Variants in KIZ observed in about 807,000 individuals in gnomAD.
KIZ encodes centrosomal protein kizuna.
A neutral mutation model predicts 79.6 loss-of-function variants in KIZ; 68 were observed. The ratio of observed to expected loss-of-function variants is 0.85; its 90% CI spans 0.70 to 1.05. KIZ has a LOEUF of 1.05. KIZ is among the 50% of genes least tolerant of loss of function. The probability of loss-of-function intolerance (pLI) is 0.00; values close to 1 mark genes in which losing one functional copy is unlikely to be tolerated. For synonymous variants in KIZ, 280 were observed against 281.8 expected, an observed-to-expected ratio of 0.99 and a Z score of 0.06; for missense variants, 797 against 800.4, an observed-to-expected ratio of 1.00 and a Z score of 0.05.
At chr20:21,197,000 T>C (rs1285490222) in intron 6 of KIZ, 2 of 152,372 alleles carry the variant, frequency 1.3e-5, no homozygotes, top group South Asian at 2.1e-4. Flanking sequence ...AATTAACATA[T>C]TGCTTTATAA....
intron 1 of KIZ, among the ~76,000 whole-genome samples, chr20:21,130,083 C>T (rs1202292211): frequency 6.6e-6 from 1 of 152,172 alleles, no homozygotes; most frequent in African/African-American, 2.4e-5. Context: ...CAGATTTCAC[C>T]AGCTATCTTA....
At chr20:21,239,770 C>T (rs1197110825) in intron 11 of KIZ, among the ~76,000 whole-genome samples, 1 of 152,174 alleles carries the variant, frequency 6.6e-6, no homozygotes, top group East Asian at 1.9e-4. Context: ...TCACTGTGTG[C>T]CAGGGCTGCT....
intron 6 of KIZ, among the ~76,000 whole-genome samples, chr20:21,193,155 C>G (rs768115978): frequency 1.1e-4 from 17 of 152,038 alleles, no homozygotes; most frequent in Non-Finnish European, 2.2e-4. Flanking sequence ...CTTCTGAGCC[C>G]CAATGTTGGC....
chr20:21,127,137 C>T lies in KIZ; in HGVS notation c.89+933C>T, dbSNP rs377302840. Among the ~76,000 whole-genome samples, 48 of 152,308 alleles carry T rather than the reference C, an allele frequency of 3.2e-4. 1 individual carries two copies. The South Asian group carries it at 5.6e-3, about 18-fold the overall frequency. On this transcript the variant is annotated intron_variant, in intron 1 of 12. Transcript: ENST00000619189. ...TTGAAAAGGAATTACATTTATCTTA[C>T]GCTAGATTTAATTCTTGTCAGATAT...
chr20:21,230,330 C>T (rs2036793621), intron 10 of KIZ, among the ~76,000 whole-genome samples: 1 of 152,158 alleles, frequency 6.6e-6, no homozygotes, highest in Admixed American at 6.5e-5. Flanking sequence ...TAAAAATTAG[C>T]CACACGTGTT....
At chr20:21,241,294 A>G (rs1265054948) in intron 11 of KIZ, among the ~76,000 whole-genome samples, 5 of 152,200 alleles carry the variant, frequency 3.3e-5, no homozygotes, top group East Asian at 1.9e-4. Flanking sequence ...AAAATCAACT[A>G]TGAATTGCAG....
At chr20:21,158,652 C>T (rs552198202) in intron 4 of KIZ, 1 of 152,304 alleles carries the variant, frequency 6.6e-6, no homozygotes, top group Non-Finnish European at 1.5e-5. Flanking sequence ...CTGCAAGAAA[C>T]TTAGAGTTGC....
intron 2 of KIZ, among the ~76,000 whole-genome samples, chr20:21,134,762 G>A (rs570686892): frequency 6.6e-6 from 1 of 150,904 alleles, no homozygotes; most frequent in South Asian, 2.1e-4. Flanking sequence ...TGCCTCCCGG[G>A]TTCAAGCAAT....
chr20:21,149,365 A>AGTATTTGGC (rs1252608680), intron 4 of KIZ, among the ~76,000 whole-genome samples: 170 of 152,354 alleles, frequency 1.1e-3, no homozygotes, highest in African/African-American at 4.0e-3. Flanking sequence ...TTTGAGCTGA[A>AGTATTTGGC]TCAGGTGAGC....
intron 9 of KIZ, 90 bp downstream of exon 9, chr20:21,215,738 A>C (rs1013858255): frequency 2.7e-6 from 2 of 748,758 alleles, no homozygotes; most frequent in African/African-American, 3.5e-5. Flanking sequence ...TGTGGACCCC[A>C]CTAAGAGCAC....
At chr20:21,151,531 A>C (rs921629080) in intron 4 of KIZ, 2 of 152,242 alleles carry the variant, frequency 1.3e-5, no homozygotes, top group Non-Finnish European at 2.9e-5. Context: ...AAGTCAATTT[A>C]ACAAGAAAAA....
At chr20:21,215,228 CT>C (rs2036236290) in intron 8 of KIZ, among the ~76,000 whole-genome samples, 1 of 152,182 alleles carries the variant, frequency 6.6e-6, no homozygotes, top group African/African-American at 2.4e-5. Flanking sequence ...CATTTAACTG[CT>C]TTAATGGTTT....
intron 9 of KIZ, among the ~76,000 whole-genome samples, chr20:21,221,402 C>A (rs866505590): frequency 6.6e-6 from 1 of 152,184 alleles, no homozygotes; most frequent in South Asian, 2.1e-4. Flanking sequence ...AATACTATCT[C>A]TTTCAGTCAT....
At chr20:21,223,890 C>T (rs1172815667) in intron 9 of KIZ, among the ~76,000 whole-genome samples, 1 of 152,102 alleles carries the variant, frequency 6.6e-6, no homozygotes, top group Admixed American at 6.5e-5. Context: ...GTTGGTCAGG[C>T]TGGTCTTGAA....
At chr20:21,149,554 C>G (rs1219924680) in intron 4 of KIZ, among the ~76,000 whole-genome samples, 1 of 152,248 alleles carries the variant, frequency 6.6e-6, no homozygotes, top group African/African-American at 2.4e-5. Context: ...CAGGGATGAG[C>G]TCTGCAGTGG....
At chr20:21,214,462 C>A in intron 7 of KIZ, 73 bp from the exon 8 acceptor site, 1 of 997,146 alleles carries the variant, frequency 1.0e-6, no homozygotes, top group Non-Finnish European at 1.5e-6. Context: ...TATTTGAAGG[C>A]TATCTTTGAG....
rs1305964631 is a variant in KIZ at position 21,147,994 on chromosome 20, T to TGTGTGTGTGTGTGTGG, written c.405+2341_405+2342insTGTGTGTGTGTGTGGG. 5.3e-5 allele frequency among the ~76,000 whole-genome samples: 8 copies of TGTGTGTGTGTGTGTGG among 151,248 alleles called. No homozygotes were observed. In the South Asian group the frequency reaches 1.7e-3, roughly 32 times the overall value. ...GTGTGTGTGTGTGTGTGTGTGTGTGTGGCAGCAGATGAAGGAAGGACTTGT... is the reference window on the plus strand; with the variant it reads ...GTGTGTGTGTGTGTGTGTGTGTGTGTGTGTGTGTGTGTGTGGGGCAGCAGATGAAGGAAGGACTTGT... On this transcript the variant is annotated intron_variant, in intron 4 of 12. Transcript: ENST00000619189.
intron 6 of KIZ, among the ~76,000 whole-genome samples, chr20:21,186,559 TTTA>T (rs141844673): frequency 0.014 from 2,102 of 150,036 alleles, 47 homozygotes; most frequent in African/African-American, 0.049. Context: ...TCTCATTCAT[TTTA>T]TTATCTTCTA....
chr20:21,164,630 GA>G (rs1412513684), intron 6 of KIZ, among the ~76,000 whole-genome samples: 1 of 151,670 alleles, frequency 6.6e-6, no homozygotes, highest in African/African-American at 2.4e-5. Flanking sequence ...TTTCTGAGGT[GA>G]AAAAAATTGA....
Sources: gnomAD v4.1 joint callset for allele counts (sites outside exome capture counted in the v4.1 genomes callset) on GRCh38, gnomAD v4.1.1 for gene constraint, MANE v1.5 for transcripts, NCBI Gene and HGNC (gene_info 2026-07-23, HGNC 2026-07-21) for gene names.